Variants in NR6A1 observed in about 807,000 individuals in gnomAD.
NR6A1 encodes the protein retinoic acid receptor-related testis-associated receptor.
A neutral mutation model predicts 59.1 loss-of-function variants in NR6A1; 7 were observed. That is an observed-to-expected ratio of 0.12 (90% confidence interval 0.07 to 0.22). NR6A1 has a LOEUF of 0.22. NR6A1 is among the 10% of genes least tolerant of loss of function. The pLI is 1.00. For synonymous variants in NR6A1, 243 were observed against 236.1 expected (o/e 1.03, Z -0.27); for missense variants, 468 against 611.6 (o/e 0.77, Z 2.48).
At chr9:124,595,677 T>A (rs1477504301) in intron 2 of NR6A1, 2 of 723,186 alleles carry the variant, frequency 2.8e-6, no homozygotes, top group African/African-American at 3.7e-5. Flanking sequence ...CCCTTCTCCC[T>A]CAAGGCTATT....
chr9:124,634,694 C>T (rs905106527), intron 2 of NR6A1, among the ~76,000 whole-genome samples: 11 of 152,036 alleles, frequency 7.2e-5, no homozygotes, highest in African/African-American at 2.4e-5. Context: ...TGGTGGCGGG[C>T]GCCTGTAGTC....
chr9:124,696,392 G>A (rs899833059), intron 2 of NR6A1, among the ~76,000 whole-genome samples: 2 of 152,112 alleles, frequency 1.3e-5, no homozygotes, highest in Non-Finnish European at 2.9e-5. Context: ...CAAAATAAAA[G>A]CCTACTGGCT....
At chr9:124,585,803 C>G (rs1834914331) in intron 2 of NR6A1, among the ~76,000 whole-genome samples, 1 of 152,024 alleles carries the variant, frequency 6.6e-6, no homozygotes, top group Non-Finnish European at 1.5e-5. Context: ...AAGTTGATGC[C>G]AATGCTCACT....
chr9:124,598,647 TAAAAAAA>T (rs34357133), intron 2 of NR6A1: 4 of 161,086 alleles, frequency 2.5e-5, no homozygotes, highest in South Asian at 8.5e-5. Flanking sequence ...AGAGTAAAAT[TAAAAAAA>T]AAAAAAAAAA....
At chr9:124,699,151 T>C (rs765698197) in intron 2 of NR6A1, among the ~76,000 whole-genome samples, 2 of 152,136 alleles carry the variant, frequency 1.3e-5, no homozygotes, top group Non-Finnish European at 2.9e-5. Flanking sequence ...GAAAAAGCGC[T>C]CTGCAAACAG....
At chr9:124,735,088 AC>A (rs1318597490) in intron 1 of NR6A1, among the ~76,000 whole-genome samples, 1 of 152,074 alleles carries the variant, frequency 6.6e-6, no homozygotes, top group Non-Finnish European at 1.5e-5. Context: ...AAGTGATCTG[AC>A]CACCTTCGCC....
At chr9:124,525,207 T>G (rs1247302788) in intron 8 of NR6A1, among the ~76,000 whole-genome samples, 1 of 150,628 alleles carries the variant, frequency 6.6e-6, no homozygotes, top group African/African-American at 2.4e-5. Flanking sequence ...AAATTAATCC[T>G]TCACAATATC....
chr9:124,587,443 T>A (rs1272488402), intron 2 of NR6A1, among the ~76,000 whole-genome samples: 1 of 152,180 alleles, frequency 6.6e-6, no homozygotes, highest in Non-Finnish European at 1.5e-5. Flanking sequence ...GTGCCAATGC[T>A]CAAAGCTCAG....
chr9:124,528,593 C>T (rs769253730), intron 7 of NR6A1, among the ~76,000 whole-genome samples: 3 of 151,644 alleles, frequency 2.0e-5, no homozygotes, highest in Admixed American at 1.3e-4. Context: ...CCCAGCTACT[C>T]GGGAGGCTGA....
chr9:124,696,626 G>A (rs1456193146), intron 2 of NR6A1, among the ~76,000 whole-genome samples: 1 of 143,200 alleles, frequency 7.0e-6, no homozygotes, highest in African/African-American at 2.6e-5. Flanking sequence ...GGGTTCAACT[G>A]ATCCTCTCAC....
chr9:124,685,394 G>T (rs75912301), intron 2 of NR6A1, among the ~76,000 whole-genome samples: 3,934 of 152,260 alleles, frequency 0.026, 74 homozygotes, highest in South Asian at 0.067. Flanking sequence ...GCACAAGCAC[G>T]GCTCACTGCA....
At chr9:124,529,273 AT>A (rs1833029138) in intron 7 of NR6A1, among the ~76,000 whole-genome samples, 1 of 152,238 alleles carries the variant, frequency 6.6e-6, no homozygotes, top group South Asian at 2.1e-4. Context: ...AGTATTCTAC[AT>A]TTAATCTTAT....
intron 1 of NR6A1, among the ~76,000 whole-genome samples, chr9:124,749,551 T>TA (rs1431132785): frequency 1.3e-5 from 2 of 152,032 alleles, no homozygotes; most frequent in East Asian, 3.9e-4. Flanking sequence ...ATAAAATAAA[T>TA]ACGGTATTTT....
At chr9:124,574,587 C>T (rs1834536454) in intron 2 of NR6A1, among the ~76,000 whole-genome samples, 1 of 152,192 alleles carries the variant, frequency 6.6e-6, no homozygotes, top group Non-Finnish European at 1.5e-5. Flanking sequence ...GAGCAACCTG[C>T]CCAAGCCTGC....
intron 2 of NR6A1, among the ~76,000 whole-genome samples, chr9:124,654,178 T>C (rs929107225): frequency 1.3e-5 from 2 of 152,188 alleles, no homozygotes; most frequent in Admixed American, 6.5e-5. Context: ...TGTGAGAACC[T>C]TGGCAAGATT....
At chr9:124,668,298 G>A (rs1396521017) in intron 2 of NR6A1, among the ~76,000 whole-genome samples, 1 of 152,160 alleles carries the variant, frequency 6.6e-6, no homozygotes, top group Non-Finnish European at 1.5e-5. Flanking sequence ...AAGAGGAGGA[G>A]GAAGAGAAGG....
chr9:124,594,539 T>C (rs1381881836), intron 2 of NR6A1, among the ~76,000 whole-genome samples: 1 of 152,222 alleles, frequency 6.6e-6, no homozygotes, highest in Non-Finnish European at 1.5e-5. Context: ...TACTCCTTTC[T>C]GGAAAAGCTA....
At chr9:124,542,101 A>T (rs530773314) in intron 4 of NR6A1, among the ~76,000 whole-genome samples, 1 of 152,364 alleles carries the variant, frequency 6.6e-6, no homozygotes. Context: ...GCTGTATCAG[A>T]GTGTGTATAT....
intron 2 of NR6A1, among the ~76,000 whole-genome samples, chr9:124,687,348 C>T (rs532826979): frequency 4.1e-5 from 6 of 145,306 alleles, no homozygotes; most frequent in South Asian, 4.2e-4. Flanking sequence ...GCTATGTTGC[C>T]CAGGCTGGTC....
Sources: gnomAD v4.1 joint callset for allele counts (sites outside exome capture counted in the v4.1 genomes callset) on GRCh38, gnomAD v4.1.1 for gene constraint, MANE v1.5 for transcripts, NCBI Gene and HGNC (gene_info 2026-07-23, HGNC 2026-07-21) for gene names.